The following SNX6 variants were observed in gnomAD, a reference collection of about 807,000 sequenced individuals.
SNX6 encodes sorting nexin 6, also known as sorting nexin-6.
Under a neutral mutation model 63.0 loss-of-function variants are expected in SNX6, and 34 were observed. The ratio of observed to expected loss-of-function variants is 0.54; its 90% CI spans 0.41 to 0.72. The LOEUF (loss-of-function observed/expected upper bound fraction) is 0.72. SNX6 is among the 30% of genes least tolerant of loss of function. The pLI, the probability that SNX6 is intolerant of heterozygous loss-of-function variation, is 0.00. For missense variants in SNX6, 398 were observed against 471.4 expected (o/e 0.84, Z 1.44); for synonymous variants, 170 against 164.2 (o/e 1.04, Z -0.27).
chr14:34,586,420 G>A (rs566205728), intron 8 of SNX6, 115 bp from the exon 9 acceptor site: 5 of 460,286 alleles, frequency 1.1e-5, no homozygotes, highest in African/African-American at 2.1e-5. Flanking sequence ...AGAAAATAAC[G>A]CAAGCAACAG....
intron 9 of SNX6, among the ~76,000 whole-genome samples, chr14:34,582,193 G>A (rs544619597): frequency 6.7e-6 from 1 of 148,368 alleles, no homozygotes; most frequent in South Asian, 2.1e-4. Context: ...GTGCAGCGGT[G>A]CAACCTCAGC....
At chr14:34,604,047 G>T in intron 5 of SNX6, 1 of 1,005,030 alleles carries the variant, frequency 9.9e-7, no homozygotes, top group South Asian at 2.0e-5. Flanking sequence ...ATACATGTCA[G>T]TTTGGGGGAA....
Position 34,565,239 on chromosome 14 carries a change from G to A in SNX6, c.1168-2064C>T, listed in dbSNP as rs546786667. On this transcript the variant is annotated intron_variant, in intron 13 of 13. Transcript: ENST00000362031. Reference sequence around the variant, plus strand: ...ACTACAGGCGCCCGCCACCACGCCCGGCTAATTTTTTGTATTTTTAGTAGA... The same window carrying A: ...ACTACAGGCGCCCGCCACCACGCCCAGCTAATTTTTTGTATTTTTAGTAGA... 7.5e-4 allele frequency among the ~76,000 whole-genome samples: 114 copies of A among 151,702 alleles called. 1 individual carries two copies. The highest frequency in any genetic ancestry group is 2.4e-3 in the African/African-American group (101 of 41,396).
chr14:34,599,630 C>T (rs1468798861), intron 6 of SNX6, among the ~76,000 whole-genome samples: 5 of 151,288 alleles, frequency 3.3e-5, no homozygotes, highest in Non-Finnish European at 5.9e-5. Flanking sequence ...AAAAATTAGC[C>T]GGGCATGGTG....
At chr14:34,618,452 G>A (rs182922591) in intron 2 of SNX6, among the ~76,000 whole-genome samples, 1 of 152,244 alleles carries the variant, frequency 6.6e-6, no homozygotes, top group Non-Finnish European at 1.5e-5. Flanking sequence ...TCTGATTCAA[G>A]CAATTCTCCT....
intron 4 of SNX6, among the ~76,000 whole-genome samples, chr14:34,606,577 C>T (rs1451078812): frequency 2.0e-5 from 3 of 151,710 alleles, no homozygotes; most frequent in Admixed American, 6.6e-5. Flanking sequence ...CTCCGCCTCC[C>T]GAGTAGCTGG....
intron 10 of SNX6, among the ~76,000 whole-genome samples, chr14:34,581,063 C>A (rs1251119097): frequency 1.3e-5 from 2 of 152,200 alleles, no homozygotes; most frequent in African/African-American, 4.8e-5. Context: ...CTGAAGTACA[C>A]TCATCTTCCT....
At chr14:34,565,365 C>T (rs993236704) in intron 13 of SNX6, among the ~76,000 whole-genome samples, 30 of 151,996 alleles carry the variant, frequency 2.0e-4, no homozygotes, top group African/African-American at 6.7e-4. Context: ...GCGTGAGCCA[C>T]CGCGCCCGGC....
chr14:34,603,458 T>C lies in SNX6; in HGVS notation c.406A>G (p.Ile136Val). ...KQELEAEYLA[I>V]FKKTVAMHEV... ...TGCATCGCAACTGTCTTCTTGAATA[T>C]TGCCAAATATTCACTAGAAACAATA... The change falls in exon 6 of 14, where the codon ATA becomes GTA. Residue 136 changes from isoleucine (I) to valine (V), a missense_variant. Transcript: ENST00000362031. The C allele has an allele frequency of 2.5e-6, 4 of 1,595,592 alleles. No homozygotes were observed. Among genetic ancestry groups the C allele is most frequent in the Non-Finnish European group, 3.4e-6 (4 of 1,172,108 alleles).
intron 11 of SNX6, 34 bp downstream of exon 11, chr14:34,575,722 T>C: frequency 7.9e-7 from 1 of 1,260,678 alleles, no homozygotes; most frequent in Non-Finnish European, 1.1e-6. Flanking sequence ...TGGCTGTTTG[T>C]AAAATGGCTC....
In SNX6 at chr14:34,562,785, A is replaced by C. The variant is rs1344493559; in HGVS notation, c.*337T>G. 2 of 233,082 alleles carry C rather than the reference A, an allele frequency of 8.6e-6. No homozygotes were observed. Among genetic ancestry groups the C allele is most frequent in the Middle Eastern group, 1.4e-3 (1 of 710 alleles). The allele number at this position is 233,082 out of a possible 1,614,324, so 14.4% of individuals were successfully genotyped here. On this transcript the variant is annotated 3_prime_UTR_variant, in exon 14 of 14. Coordinates refer to ENST00000362031, the MANE Select transcript of SNX6 (RefSeq NM_152233.4). ...AAAGGTTAAATTTCAGAAATTATTT[A>C]AAGGTAAATAAGAGTGGCAGCCATA...
chr14:34,581,861 G>A (rs773963571), intron 9 of SNX6, among the ~76,000 whole-genome samples: 14 of 151,936 alleles, frequency 9.2e-5, no homozygotes, highest in Non-Finnish European at 1.8e-4. Flanking sequence ...GGAGTTTCAC[G>A]CTTGTTGCGC....
rs140678167 is a variant in SNX6 at position 34,602,618 on chromosome 14, A to T, written c.516+730T>A. Among the ~76,000 whole-genome samples, 933 of 151,044 alleles carry T rather than the reference A, an allele frequency of 6.2e-3. 11 individuals carry two copies. The highest frequency in any genetic ancestry group is 0.022 in the African/African-American group (896 of 41,118). On this transcript the variant is annotated intron_variant, in intron 6 of 13. Transcript: ENST00000362031. ...AAAAAAAAAAAAAAAGAAAAATACA[A>T]ACATTCTAAAAAAAGACCTTGAGCC... is the stretch of plus-strand genomic sequence containing the variant.
intron 7 of SNX6, among the ~76,000 whole-genome samples, chr14:34,596,387 G>A (rs1423512681): frequency 1.3e-5 from 2 of 151,626 alleles, no homozygotes; most frequent in South Asian, 2.1e-4. Context: ...TTGGGAGGCC[G>A]AGGCAGACAG....
intron 13 of SNX6, among the ~76,000 whole-genome samples, chr14:34,563,913 A>G (rs1386167392): frequency 1.3e-5 from 2 of 152,046 alleles, no homozygotes; most frequent in Non-Finnish European, 2.9e-5. Flanking sequence ...TAATTTTTGT[A>G]TTTTTAGTAG....
chr14:34,618,951 G>A (rs2138378922), intron 2 of SNX6, among the ~76,000 whole-genome samples: 1 of 152,244 alleles, frequency 6.6e-6, no homozygotes, highest in South Asian at 2.1e-4. Context: ...TCAGCTCCAT[G>A]AAGACATGGG....
chr14:34,584,300 G>A (rs546981937), intron 9 of SNX6, among the ~76,000 whole-genome samples: 2 of 152,142 alleles, frequency 1.3e-5, no homozygotes, highest in African/African-American at 4.8e-5. Flanking sequence ...TTAAAAATAT[G>A]TTTAATTTTT....
chr14:34,579,467 G>A (rs539918265), intron 10 of SNX6, among the ~76,000 whole-genome samples: 15 of 151,718 alleles, frequency 9.9e-5, no homozygotes, highest in Non-Finnish European at 1.6e-4. Flanking sequence ...AATTAGCCAG[G>A]CATGGTAACA....
At chr14:34,618,638 C>T (rs904155876) in intron 2 of SNX6, among the ~76,000 whole-genome samples, 57 of 152,178 alleles carry the variant, frequency 3.7e-4, no homozygotes, top group African/African-American at 1.2e-3. Context: ...GCATGAGCCA[C>T]TGCACCTGGC....
Sources: allele counts gnomAD v4.1 joint callset (sites outside exome capture counted in the v4.1 genomes callset), GRCh38; gene constraint gnomAD v4.1.1; transcripts MANE v1.5; gene names NCBI Gene and HGNC (gene_info 2026-07-23, HGNC 2026-07-21).